RBL1: variants seen among roughly 807,000 people sequenced by gnomAD.
The protein encoded by RBL1 is RB transcriptional corepressor like 1.
Under a neutral mutation model 123.0 loss-of-function variants are expected in RBL1, and 82 were observed. That is an observed-to-expected ratio of 0.67 (90% confidence interval 0.56 to 0.80). The LOEUF (loss-of-function observed/expected upper bound fraction) is 0.80, where lower values mean the gene tolerates loss of function less well. Ranked by LOEUF, RBL1 falls within the 30% of genes least tolerant of loss-of-function variation. The probability of loss-of-function intolerance (pLI) is 0.00; values close to 1 mark genes in which losing one functional copy is unlikely to be tolerated. For missense variants in RBL1, 1,171 were observed against 1,299.6 expected (o/e 0.90, Z 1.52); for synonymous variants, 405 against 441.3 (o/e 0.92, Z 1.03).
intron 13 of RBL1, among the ~76,000 whole-genome samples, chr20:37,040,849 C>T (rs1434544492): frequency 1.3e-5 from 2 of 152,126 alleles, no homozygotes; most frequent in South Asian, 2.1e-4. Flanking sequence ...TATCATTCTC[C>T]ATTTAGGGAT....
chr20:37,027,780 G>A (rs1214108272), intron 16 of RBL1, among the ~76,000 whole-genome samples: 1 of 152,132 alleles, frequency 6.6e-6, no homozygotes, highest in Admixed American at 6.6e-5. Context: ...TTGGAGACGG[G>A]ATCTTACTCT....
chr20:37,067,392 C>T, intron 3 of RBL1, 95 bp from the exon 4 acceptor site: 1 of 955,656 alleles, frequency 1.0e-6, no homozygotes, highest in Non-Finnish European at 1.5e-6. Context: ...GATCAAATTA[C>T]ACATGAAATT....
intron 19 of RBL1, among the ~76,000 whole-genome samples, chr20:37,015,595 G>T (rs1056130160): frequency 6.6e-6 from 1 of 152,056 alleles, no homozygotes; most frequent in Admixed American, 6.6e-5. Flanking sequence ...CACGCCCGGA[G>T]AATTTTTTGT....
intron 11 of RBL1, chr20:37,049,313 G>A (rs2064866986): frequency 1.1e-5 from 7 of 643,844 alleles, no homozygotes; most frequent in East Asian, 5.2e-5. Context: ...TTGAACCCTC[G>A]GATACGACAG....
chr20:37,077,807 C>A (rs1231584367), intron 2 of RBL1, among the ~76,000 whole-genome samples: 2 of 144,410 alleles, frequency 1.4e-5, no homozygotes, highest in African/African-American at 2.5e-5. Context: ...AAAAAAAATT[C>A]TCTTACATAA....
rs976713233 is a variant in RBL1 at position 36,997,373 on chromosome 20, C to T, written c.*1386G>A. ...GCATCCCTAATACTGAAAAGCATCC[C>T]TAGTACTAAAAAACATCTTCAGGAG... is the stretch of plus-strand genomic sequence containing the variant. On this transcript the variant is annotated 3_prime_UTR_variant, in exon 22 of 22. Transcript: ENST00000373664. The T allele has an allele frequency of 6.6e-6, 1 of 152,070 alleles. No individual in the cohort carries two copies. The highest frequency in any genetic ancestry group is 1.5e-5 in the Non-Finnish European group (1 of 68,026). The allele number at this position is 152,070 out of a possible 1,614,324, so 9.4% of individuals were successfully genotyped here. A position where few individuals can be genotyped will look rare whatever the true frequency, so the allele number is the denominator to read the frequency against.
At chr20:37,062,002 G>C in intron 8 of RBL1, 82 bp downstream of exon 8, 1 of 1,359,030 alleles carries the variant, frequency 7.4e-7, no homozygotes, top group Non-Finnish European at 9.8e-7. Context: ...GATTTAACTT[G>C]AAAGATGCTT....
intron 1 of RBL1, among the ~76,000 whole-genome samples, chr20:37,090,677 C>G (rs1600618460): frequency 1.3e-5 from 2 of 152,124 alleles, no homozygotes; most frequent in African/African-American, 4.8e-5. Flanking sequence ...CAACATTAGG[C>G]AATTTTGTTG....
intron 21 of RBL1, among the ~76,000 whole-genome samples, chr20:37,001,240 A>G (rs1333785150): frequency 6.6e-6 from 1 of 151,592 alleles, no homozygotes; most frequent in African/African-American, 2.4e-5. Flanking sequence ...CTGCCCGGCC[A>G]CCACCCCGTC....
At chr20:37,086,662 A>G (rs2065551318) in intron 2 of RBL1, among the ~76,000 whole-genome samples, 1 of 152,234 alleles carries the variant, frequency 6.6e-6, no homozygotes, top group Non-Finnish European at 1.5e-5. Flanking sequence ...GCAAATAGAC[A>G]ATGACCACAA....
At chr20:37,030,666 C>G (rs2064493590) in intron 16 of RBL1, among the ~76,000 whole-genome samples, 1 of 152,004 alleles carries the variant, frequency 6.6e-6, no homozygotes. Context: ...ACCAGCCAAA[C>G]CAGCACGGTG....
At chr20:37,070,332 C>G (rs980364266) in intron 2 of RBL1, among the ~76,000 whole-genome samples, 1 of 152,100 alleles carries the variant, frequency 6.6e-6, no homozygotes, top group Non-Finnish European at 1.5e-5. Context: ...ACAAACACCG[C>G]GGAAGGCCGC....
chr20:37,012,616 C>T (rs1461150311), intron 19 of RBL1, among the ~76,000 whole-genome samples: 3 of 143,276 alleles, frequency 2.1e-5, no homozygotes, highest in Non-Finnish European at 4.4e-5. Context: ...AGTGAGGAGC[C>T]CCTCCGCCCA....
At chr20:37,093,897 TC>T (rs1320996687) in intron 1 of RBL1, among the ~76,000 whole-genome samples, 1 of 151,762 alleles carries the variant, frequency 6.6e-6, no homozygotes, top group Admixed American at 6.6e-5. Flanking sequence ...CACCTCAGCC[TC>T]CCAAAGTGGT....
intron 19 of RBL1, among the ~76,000 whole-genome samples, chr20:37,015,000 T>C (rs1600464775): frequency 6.8e-6 from 1 of 146,442 alleles, no homozygotes; most frequent in African/African-American, 2.5e-5. Context: ...GAGGCGGAGG[T>C]TGCAGTGAGC....
intron 6 of RBL1, among the ~76,000 whole-genome samples, 193 bp from the exon 7 acceptor site, chr20:37,065,666 GAC>G (rs2065167167): frequency 6.9e-6 from 1 of 145,600 alleles, no homozygotes; most frequent in Non-Finnish European, 1.5e-5. Context: ...TTTTTTTTGA[GAC>G]AGGGTTTTGT....
intron 12 of RBL1, among the ~76,000 whole-genome samples, chr20:37,045,159 T>G (rs1160557307): frequency 6.6e-6 from 1 of 151,794 alleles, no homozygotes; most frequent in African/African-American, 2.4e-5. Flanking sequence ...CAGGCTGGAG[T>G]GCAGCGGCGC....
At chr20:37,032,988 A>T (rs2064539207) in intron 15 of RBL1, 112 bp from the exon 16 acceptor site, 17 of 1,428,758 alleles carry the variant, frequency 1.2e-5, no homozygotes, top group Non-Finnish European at 1.5e-5. Context: ...AGAAGGCTAC[A>T]AAATAGTAAT....
At chr20:37,085,136 T>C (rs139184021) in intron 2 of RBL1, among the ~76,000 whole-genome samples, 2,549 of 149,948 alleles carry the variant, frequency 0.017, 24 homozygotes, top group Non-Finnish European at 0.027. Context: ...TCTTTTCTTT[T>C]TTTTTTTTTT....
Sources: gnomAD v4.1 joint callset for allele counts (sites outside exome capture counted in the v4.1 genomes callset) on GRCh38, gnomAD v4.1.1 for gene constraint, MANE v1.5 for transcripts, NCBI Gene and HGNC (gene_info 2026-07-23, HGNC 2026-07-21) for gene names.